The following PLEKHA2 variants were observed in gnomAD, a reference collection of about 807,000 sequenced individuals.
PLEKHA2 encodes pleckstrin homology domain containing A2, also known as pleckstrin homology domain-containing family A member 2.
In PLEKHA2, 28 loss-of-function variants were observed where a neutral mutation model predicts 53.2. That is an observed-to-expected ratio of 0.53 (90% CI 0.39 to 0.72). The LOEUF (loss-of-function observed/expected upper bound fraction) is 0.72, where lower values mean the gene tolerates loss of function less well. Among genes scored for constraint, PLEKHA2 ranks in the 30% least tolerant of loss-of-function variants. The pLI is 0.00. For missense variants in PLEKHA2, 426 were observed against 537.9 expected (o/e 0.79, Z 2.06); for synonymous variants, 193 against 196.4 (o/e 0.98, Z 0.14).
chr8:38,942,799 A>G (rs1834635624), intron 3 of PLEKHA2, among the ~76,000 whole-genome samples: 1 of 152,196 alleles, frequency 6.6e-6, no homozygotes, highest in African/African-American at 2.4e-5. Context: ...TGTACATGCC[A>G]GGGGTAGGAT....
rs369336018 is a variant in PLEKHA2, at chr8:38,968,636, C to T, written c.882C>T (p.Gly294=). ...TGCACAGCTGGATTAAGGAGATTGG[C>T]GCAGCTGTCCAGGCCCTCAAGTGCC... ...EDMHSWIKEI[G]AAVQALKCHP... is the part of the protein sequence containing the mutation. Residue 294 remains glycine (G), a synonymous_variant, in exon 11 of 12, where the codon GGC becomes GGT. Coordinates refer to ENST00000617275, the MANE Select transcript of PLEKHA2 (RefSeq NM_021623.2). The T allele has an allele frequency of 2.0e-5, 33 of 1,613,952 alleles. No individual in the cohort carries two copies. The highest frequency in any genetic ancestry group is 1.5e-4 in the African/African-American group (11 of 75,022).
At position 38,948,153 on chromosome 8, in the gene PLEKHA2, A is replaced by G. The variant is rs556920245; in HGVS notation, c.345+1932A>G. 1.9e-3 allele frequency among the ~76,000 whole-genome samples: 283 copies of G among 151,914 alleles called. 2 individuals carry two copies. Among genetic ancestry groups the G allele is most frequent in the African/African-American group, 6.5e-3 (269 of 41,446 alleles). ...TGGGTTTCAGGAATTCATCTGGGTC[A>G]TTTAGGGGAAATTTCTGCAGTTCCA... On this transcript the variant is annotated intron_variant, in intron 5 of 11. Transcript: ENST00000617275.
At chr8:38,943,397 G>T (rs892435270) in intron 3 of PLEKHA2, among the ~76,000 whole-genome samples, 2 of 152,174 alleles carry the variant, frequency 1.3e-5, no homozygotes, top group Admixed American at 6.6e-5. Flanking sequence ...GAGACTGGAG[G>T]ATCACTTGAG....
rs1460419981 is a variant in PLEKHA2, at chr8:38,973,653, T to TA, written c.*3871dup. The TA allele has an allele frequency of 1.3e-5, 2 of 149,328 alleles. No homozygotes were observed. The highest frequency in any genetic ancestry group is 3.0e-5 in the Non-Finnish European group (2 of 67,712). The allele number at this position is 149,328 out of a possible 1,614,324, so 9.3% of individuals were successfully genotyped here. On this transcript the variant is annotated 3_prime_UTR_variant, in exon 12 of 12. Coordinates refer to ENST00000617275, the MANE Select transcript of PLEKHA2 (RefSeq NM_021623.2). The stretch of plus-strand genomic sequence containing the variant: ...GCGGCAGCCAGTCCTTCATACTAGA[T>TA]AGAGTTCAGATAAAGCAAACGTTTG...
intron 5 of PLEKHA2, among the ~76,000 whole-genome samples, chr8:38,948,355 C>T (rs1296362032): frequency 6.6e-6 from 1 of 152,134 alleles, no homozygotes; most frequent in Non-Finnish European, 1.5e-5. Context: ...CTTGAGTTGA[C>T]CTCATCTATA....
intron 2 of PLEKHA2, among the ~76,000 whole-genome samples, chr8:38,925,093 T>C (rs1479914804): frequency 1.3e-5 from 2 of 152,354 alleles, no homozygotes; most frequent in Admixed American, 1.3e-4. Flanking sequence ...TACCATATTG[T>C]TGACTGTAGG....
At chr8:38,907,167 C>T (rs544981339) in intron 1 of PLEKHA2, among the ~76,000 whole-genome samples, 38 of 152,268 alleles carry the variant, frequency 2.5e-4, no homozygotes, top group African/African-American at 8.7e-4. Flanking sequence ...AGCAAAATCC[C>T]AGAAATTCCT....
chr8:38,956,098 G>T (rs376849782), intron 9 of PLEKHA2, among the ~76,000 whole-genome samples: 1 of 152,170 alleles, frequency 6.6e-6, no homozygotes, highest in East Asian at 1.9e-4. Context: ...AAGCCACTGC[G>T]CCTGGCCCTT....
chr8:38,952,765 A>C, intron 8 of PLEKHA2, 61 bp downstream of exon 8: 2 of 1,525,336 alleles, frequency 1.3e-6, no homozygotes, highest in Non-Finnish European at 1.8e-6. Flanking sequence ...GCATAGGTGC[A>C]CACCCACAGG....
intron 10 of PLEKHA2, among the ~76,000 whole-genome samples, chr8:38,967,474 T>C (rs1473138469): frequency 6.6e-6 from 1 of 152,184 alleles, no homozygotes; most frequent in Admixed American, 6.5e-5. Flanking sequence ...CTTTCAGCAG[T>C]GTATAAGCAG....
intron 11 of PLEKHA2, among the ~76,000 whole-genome samples, chr8:38,969,153 G>A (rs774023297): frequency 3.3e-5 from 5 of 151,830 alleles, no homozygotes; most frequent in Non-Finnish European, 5.9e-5. Flanking sequence ...CACTTGCCTC[G>A]GGCTCCCAAA....
chr8:38,902,780 A>G (rs1198675855), intron 1 of PLEKHA2, among the ~76,000 whole-genome samples: 1 of 152,234 alleles, frequency 6.6e-6, no homozygotes, highest in Admixed American at 6.5e-5. Flanking sequence ...TGATGAACAA[A>G]ACACAACCCC....
chr8:38,916,255 G>T lies in PLEKHA2; in HGVS notation c.-23-1652G>T, dbSNP rs138971820. Among the ~76,000 whole-genome samples, 23 of 152,296 alleles carry T rather than the reference G, an allele frequency of 1.5e-4. 1 individual carries two copies. In the East Asian group the frequency reaches 4.4e-3, roughly 29 times the overall value. The stretch of plus-strand genomic sequence containing the variant: ...GCCTCCCAAAGTGCTGGGATTACTG[G>T]CATGAGCCACCATGCCTGGCCTCTT... On this transcript the variant is annotated intron_variant, in intron 1 of 11. Coordinates refer to ENST00000617275, the MANE Select transcript of PLEKHA2 (RefSeq NM_021623.2).
chr8:38,947,854 T>C (rs560603543), intron 5 of PLEKHA2, among the ~76,000 whole-genome samples: 134 of 152,000 alleles, frequency 8.8e-4, no homozygotes, highest in Non-Finnish European at 1.6e-3. Flanking sequence ...TTTGGGAGGC[T>C]GAGGCGGGTG....
chr8:38,968,111 T>C (rs1038486750), intron 10 of PLEKHA2, among the ~76,000 whole-genome samples: 5 of 152,314 alleles, frequency 3.3e-5, no homozygotes, highest in African/African-American at 1.2e-4. Flanking sequence ...ACAGTGGGAT[T>C]TGGCTTTAAT....
rs1835222839 is a variant in PLEKHA2 at position 38,970,306 on chromosome 8, C to G, written c.*523C>G. ...TGCTTTCTCTTTCTTCTTGCTGTTG[C>G]CCTTTGAATGAAGCCTTGTGTGCTT... On this transcript the variant is annotated 3_prime_UTR_variant, in exon 12 of 12. Coordinates refer to ENST00000617275, the MANE Select transcript of PLEKHA2 (RefSeq NM_021623.2). 1 of 314,780 alleles carries G rather than the reference C, an allele frequency of 3.2e-6. No individual in the cohort carries two copies. The highest frequency in any genetic ancestry group is 5.7e-6 in the Non-Finnish European group (1 of 175,946). The allele number at this position is 314,780 out of a possible 1,614,324, so 19.5% of individuals were successfully genotyped here.
intron 3 of PLEKHA2, among the ~76,000 whole-genome samples, chr8:38,942,371 C>A (rs531813407): frequency 6.6e-6 from 1 of 152,268 alleles, no homozygotes; most frequent in Admixed American, 6.5e-5. Flanking sequence ...CCACTGCACT[C>A]CAGCCTGGGT....
At chr8:38,961,335 G>A (rs1321655113) in intron 10 of PLEKHA2, among the ~76,000 whole-genome samples, 1 of 152,056 alleles carries the variant, frequency 6.6e-6, no homozygotes, top group Non-Finnish European at 1.5e-5. Context: ...TCAGGAGTTC[G>A]AGGTCAGCCT....
chr8:38,968,457 A>G, intron 10 of PLEKHA2, 135 bp from the exon 11 acceptor site: 1 of 727,250 alleles, frequency 1.4e-6, no homozygotes, highest in Non-Finnish European at 2.3e-6. Flanking sequence ...TCTGAAAGCT[A>G]CTGGACTAGA....
Sources: gnomAD v4.1 joint callset for allele counts (sites outside exome capture counted in the v4.1 genomes callset) on GRCh38, gnomAD v4.1.1 for gene constraint, MANE v1.5 for transcripts, NCBI Gene and HGNC (gene_info 2026-07-23, HGNC 2026-07-21) for gene names.